Variants in LRRC3B observed in about 807,000 individuals in gnomAD.
The protein encoded by LRRC3B is leucine rich repeat containing 3B, also known as leucine-rich repeat-containing protein 3B.
LRRC3B carries 2 observed loss-of-function variants against 12.8 expected under a neutral mutation model. The observed-to-expected ratio is 0.16, with a 90% CI of 0.06 to 0.49. The LOEUF (loss-of-function observed/expected upper bound fraction) is 0.49. LRRC3B is among the 20% of genes least tolerant of loss of function. The pLI is 0.96. For missense variants in LRRC3B, 189 were observed against 319.4 expected (o/e 0.59, Z 3.11); for synonymous variants, 132 against 122.0 (o/e 1.08, Z -0.54).
chr3:26,700,139 A>C (rs1032979515), intron 1 of LRRC3B, among the ~76,000 whole-genome samples: 14 of 152,156 alleles, frequency 9.2e-5, no homozygotes, highest in African/African-American at 3.4e-4. Context: ...AAAGTGGAAA[A>C]GTAGTGCCTT....
chr3:26,627,040 T>C (rs187978357), intron 1 of LRRC3B, among the ~76,000 whole-genome samples: 87 of 152,324 alleles, frequency 5.7e-4, no homozygotes, highest in Non-Finnish European at 9.0e-4. Flanking sequence ...GGCAAAACAA[T>C]ATATTTCTGT....
intron 1 of LRRC3B, among the ~76,000 whole-genome samples, chr3:26,671,317 ATGTATCT>A (rs1406725995): frequency 7.4e-6 from 1 of 134,846 alleles, no homozygotes; most frequent in African/African-American, 2.9e-5. Flanking sequence ...GCCCGGCCTC[ATGTATCT>A]TATAAATGTG....
chr3:26,679,841 T>C (rs1699933836), intron 1 of LRRC3B, among the ~76,000 whole-genome samples: 1 of 152,144 alleles, frequency 6.6e-6, no homozygotes, highest in African/African-American at 2.4e-5. Flanking sequence ...AGAAACTATC[T>C]GTTAAATGAG....
At chr3:26,660,626 G>A (rs376663232) in intron 1 of LRRC3B, among the ~76,000 whole-genome samples, 1 of 152,110 alleles carries the variant, frequency 6.6e-6, no homozygotes, top group Admixed American at 6.5e-5. Flanking sequence ...GTGTCTTCCA[G>A]AGCATTGCTT....
At chr3:26,642,255 C>G (rs964964385) in intron 1 of LRRC3B, among the ~76,000 whole-genome samples, 3 of 152,156 alleles carry the variant, frequency 2.0e-5, no homozygotes, top group Non-Finnish European at 4.4e-5. Flanking sequence ...TACAAATAGT[C>G]TCATCTTCAG....
At chr3:26,709,909 T>A in exon 2 of LRRC3B, 1 of 1,614,096 alleles carries the variant, frequency 6.2e-7, no homozygotes, top group Non-Finnish European at 8.5e-7. Flanking sequence ...TCACATCTAT[T>A]CCCAATGAAA....
At chr3:26,704,033 C>T (rs1700522516) in intron 1 of LRRC3B, among the ~76,000 whole-genome samples, 3 of 151,994 alleles carry the variant, frequency 2.0e-5, no homozygotes, top group Admixed American at 1.3e-4. Context: ...AAGGCAATTC[C>T]TCTTCTCCCC....
chr3:26,636,819 TC>T (rs1698884246), intron 1 of LRRC3B, among the ~76,000 whole-genome samples: 1 of 28,464 alleles, frequency 3.5e-5, no homozygotes, highest in Non-Finnish European at 6.2e-5. Flanking sequence ...CCTCCCTCCC[TC>T]CCTCCCTCCC....
chr3:26,663,274 T>C (rs944981560), intron 1 of LRRC3B, among the ~76,000 whole-genome samples: 12 of 152,210 alleles, frequency 7.9e-5, no homozygotes, highest in African/African-American at 1.4e-4. Flanking sequence ...GAATTCGTTT[T>C]GCAGCTTACT....
intron 1 of LRRC3B, among the ~76,000 whole-genome samples, chr3:26,703,128 C>T (rs1384522008): frequency 6.6e-6 from 1 of 152,096 alleles, no homozygotes; most frequent in Non-Finnish European, 1.5e-5. Flanking sequence ...TTAGCCCTGT[C>T]CCAACTCTCT....
chr3:26,710,533 A>T (rs532128694), exon 2 of LRRC3B: 1 of 1,349,884 alleles, frequency 7.4e-7, no homozygotes, highest in East Asian at 2.4e-5. Context: ...TCTCCCATCC[A>T]TTGTAAACAT....
intron 1 of LRRC3B, among the ~76,000 whole-genome samples, chr3:26,650,572 G>A (rs757151558): frequency 3.3e-5 from 5 of 152,112 alleles, no homozygotes; most frequent in South Asian, 2.1e-4. Context: ...AAACCAACTC[G>A]GAGGTGTTTT....
At chr3:26,679,879 A>T (rs991609539) in intron 1 of LRRC3B, among the ~76,000 whole-genome samples, 1 of 152,142 alleles carries the variant, frequency 6.6e-6, no homozygotes, top group African/African-American at 2.4e-5. Context: ...GGAGTGATGA[A>T]AGGATTTGGG....
intron 1 of LRRC3B, among the ~76,000 whole-genome samples, chr3:26,650,650 A>G (rs1204950476): frequency 6.6e-6 from 1 of 152,156 alleles, no homozygotes; most frequent in Non-Finnish European, 1.5e-5. Flanking sequence ...TTCTTTTCCA[A>G]AATATTTTGT....
intron 1 of LRRC3B, among the ~76,000 whole-genome samples, chr3:26,664,636 G>A (rs1699562004): frequency 6.6e-6 from 1 of 152,146 alleles, no homozygotes; most frequent in South Asian, 2.1e-4. Flanking sequence ...GGGTGGTGGG[G>A]AAGTAAAGAG....
intron 1 of LRRC3B, among the ~76,000 whole-genome samples, chr3:26,671,429 G>T (rs1699746032): frequency 8.1e-6 from 1 of 123,754 alleles, no homozygotes; most frequent in African/African-American, 3.1e-5. Context: ...GTCTTGCTCT[G>T]TCGCCAGGCT....
At chr3:26,691,105 G>GTATATATGTATATATATATATATATA (rs1700183266) in intron 1 of LRRC3B, among the ~76,000 whole-genome samples, 1 of 84,850 alleles carries the variant, frequency 1.2e-5, no homozygotes, top group Admixed American at 1.5e-4. Flanking sequence ...GTGTGTGTGT[G>GTATATATGTATATATATATATATATA]TATATATATA....
intron 1 of LRRC3B, among the ~76,000 whole-genome samples, chr3:26,657,376 T>C (rs79311365): frequency 3.3e-5 from 5 of 152,230 alleles, no homozygotes; most frequent in Non-Finnish European, 5.9e-5. Flanking sequence ...ATTATACTTA[T>C]TGAATTATAT....
intron 1 of LRRC3B, among the ~76,000 whole-genome samples, chr3:26,686,180 C>T (rs181632170): frequency 3.3e-5 from 5 of 152,004 alleles, no homozygotes; most frequent in East Asian, 1.9e-4. Flanking sequence ...CCCGGGTTCA[C>T]GCCATTCTCC....
Sources: gnomAD v4.1 joint callset for allele counts (sites outside exome capture counted in the v4.1 genomes callset) on GRCh38, gnomAD v4.1.1 for gene constraint, MANE v1.5 for transcripts, NCBI Gene and HGNC (gene_info 2026-07-23, HGNC 2026-07-21) for gene names.